ADGRL2: variants seen among roughly 807,000 people sequenced by gnomAD.
ADGRL2 encodes adhesion G protein-coupled receptor L2.
In ADGRL2, 44 loss-of-function variants were observed where a neutral mutation model predicts 157.4. The ratio of observed to expected loss-of-function variants is 0.28; its 90% CI spans 0.22 to 0.36. The LOEUF (loss-of-function observed/expected upper bound fraction) is 0.36. Ranked by LOEUF, ADGRL2 falls within the 10% of genes least tolerant of loss-of-function variation. The pLI, the probability that ADGRL2 is intolerant of heterozygous loss-of-function variation, is 1.00. For synonymous variants in ADGRL2, 585 were observed against 624.7 expected (o/e 0.94, Z 0.95); for missense variants, 1,510 against 1,768.9 (o/e 0.85, Z 2.63).
chr1:81,618,677 A>T (rs961969272), intron 3 of ADGRL2, among the ~76,000 whole-genome samples: 5 of 152,202 alleles, frequency 3.3e-5, no homozygotes, highest in Admixed American at 6.5e-5. Flanking sequence ...CAATTGTTGG[A>T]TATAGTTATG....
chr1:81,539,504 G>T (rs144222722), intron 2 of ADGRL2, among the ~76,000 whole-genome samples: 1 of 152,044 alleles, frequency 6.6e-6, no homozygotes, highest in African/African-American at 2.4e-5. Context: ...GCCCCCGATC[G>T]CCTGATGCTG....
At chr1:81,742,021 G>C (rs1253519831) in intron 1 of ADGRL2, among the ~76,000 whole-genome samples, 8 of 151,820 alleles carry the variant, frequency 5.3e-5, no homozygotes, top group Admixed American at 5.3e-4. Context: ...AAGTTTTCCT[G>C]CCCTAGGTTT....
intron 3 of ADGRL2, among the ~76,000 whole-genome samples, chr1:81,672,801 C>T (rs2082902735): frequency 6.6e-6 from 1 of 152,092 alleles, no homozygotes; most frequent in Admixed American, 6.6e-5. Context: ...AAATATTATA[C>T]TGAGTATTGA....
intron 3 of ADGRL2, among the ~76,000 whole-genome samples, chr1:81,605,584 C>T (rs979491099): frequency 3.9e-5 from 6 of 152,118 alleles, no homozygotes; most frequent in African/African-American, 9.7e-5. Flanking sequence ...GAGTGTGTAC[C>T]TCAAGTAGAC....
At chr1:81,839,506 A>G (rs2092448073) in intron 2 of ADGRL2, among the ~76,000 whole-genome samples, 1 of 151,824 alleles carries the variant, frequency 6.6e-6, no homozygotes, top group African/African-American at 2.4e-5. Context: ...TGCACCATAT[A>G]TGTTGTCTTT....
At chr1:81,798,898 T>G (rs1439259391), upstream of ADGRL2, among the ~76,000 whole-genome samples, 1 of 143,050 alleles carries the variant, frequency 7.0e-6, no homozygotes, top group Admixed American at 7.2e-5. Context: ...GACTGATGCA[T>G]GCACTCATTG....
At chr1:81,570,283 G>A (rs890095100) in intron 2 of ADGRL2, among the ~76,000 whole-genome samples, 3 of 152,078 alleles carry the variant, frequency 2.0e-5, no homozygotes, top group Non-Finnish European at 4.4e-5. Context: ...TGGTTTTTTT[G>A]TCTGTACTTA....
At chr1:81,679,101 C>T (rs1570810316) in intron 3 of ADGRL2, among the ~76,000 whole-genome samples, 1 of 152,078 alleles carries the variant, frequency 6.6e-6, no homozygotes, top group Admixed American at 6.6e-5. Context: ...AGGTGGACCT[C>T]GAAATTGTTT....
chr1:81,900,073 A>T (rs544180636), intron 2 of ADGRL2, among the ~76,000 whole-genome samples: 3 of 152,104 alleles, frequency 2.0e-5, no homozygotes, highest in Non-Finnish European at 4.4e-5. Flanking sequence ...AGAAAACTTA[A>T]TCTTTCTCTG....
Position 81,907,186 on chromosome 1 carries a change from T to A in ADGRL2, c.243T>A (p.Asn81Lys). ...ICDADPFQME[N>K]TDCYLPDAFK... ...ATGCTGACCCATTTCAGATGGAGAA[T>A]ACAGACTGCTACCTCCCCGATGCCT... The change falls in exon 3 of 24, where the codon AAT (asparagine) becomes AAA (lysine). Residue 81 changes from asparagine to lysine, a missense_variant. Coordinates refer to ENST00000686636, the MANE Select transcript of ADGRL2 (RefSeq NM_001366006.2). The A allele has an allele frequency of 6.2e-7, 1 of 1,614,096 alleles. No homozygotes were observed. The highest frequency in any genetic ancestry group is 8.5e-7 in the Non-Finnish European group (1 of 1,179,998).
intron 2 of ADGRL2, among the ~76,000 whole-genome samples, chr1:81,464,211 A>C (rs897301146): frequency 6.6e-6 from 1 of 152,042 alleles, no homozygotes; most frequent in African/African-American, 2.4e-5. Flanking sequence ...ATACAGCCCC[A>C]AAGAAATCAT....
At chr1:81,955,183 T>C (rs753241758) in intron 10 of ADGRL2, among the ~76,000 whole-genome samples, 1 of 152,354 alleles carries the variant, frequency 6.6e-6, no homozygotes, top group South Asian at 2.1e-4. Flanking sequence ...CTCTAACTTA[T>C]CAGTAGAGGC....
Position 81,509,095 on chromosome 1 carries a change from C to A in ADGRL2, c.-248+64006C>A, listed in dbSNP as rs143708054. Among the ~76,000 whole-genome samples, 1,516 of 152,256 alleles carry A rather than the reference C, an allele frequency of 1.0e-2. 14 individuals carry two copies. Among genetic ancestry groups the A allele is most frequent in the African/African-American group, 0.023 (962 of 41,544 alleles). ...CTTCCTTTCAACCACTGCCACATTC[C>A]TTGTGCATCAATTCCCTGCTTTTCA... is the stretch of plus-strand genomic sequence containing the variant. On this transcript the variant is annotated intron_variant, in intron 2 of 24. Transcript: ENST00000370721.
At chr1:81,576,257 C>T (rs2080796013) in intron 2 of ADGRL2, among the ~76,000 whole-genome samples, 1 of 152,038 alleles carries the variant, frequency 6.6e-6, no homozygotes, top group Non-Finnish European at 1.5e-5. Context: ...TAAAATGTTG[C>T]TCTTTTTCAC....
chr1:81,747,580 G>C (rs2085341455), intron 1 of ADGRL2, among the ~76,000 whole-genome samples: 3 of 152,016 alleles, frequency 2.0e-5, no homozygotes, highest in Admixed American at 2.0e-4. Context: ...AGGATTACAG[G>C]TGTGAGCCAC....
rs143125956 is a variant in ADGRL2, at chr1:81,819,100, T to C, written c.-100-17785T>C. On this transcript the variant is annotated intron_variant, in intron 1 of 23. Transcript: ENST00000686636. Reference sequence around the variant, plus strand: ...TTCAATTGAGAACATGTTATACTTATTTGATAGCATTCAAGGTGGTGTATC... The same window carrying C: ...TTCAATTGAGAACATGTTATACTTACTTGATAGCATTCAAGGTGGTGTATC... 6.2e-3 allele frequency among the ~76,000 whole-genome samples: 949 copies of C among 152,284 alleles called. 11 individuals are homozygous for C. The highest frequency in any genetic ancestry group is 0.021 in the African/African-American group (877 of 41,570).
At chr1:81,408,077 G>A (rs1385341682) in intron 1 of ADGRL2, among the ~76,000 whole-genome samples, 1 of 152,148 alleles carries the variant, frequency 6.6e-6, no homozygotes, top group African/African-American at 2.4e-5. Flanking sequence ...TCTTTAATCA[G>A]GAGTTCAGAT....
At chr1:81,422,744 C>A (rs1213242976) in intron 1 of ADGRL2, among the ~76,000 whole-genome samples, 2 of 152,090 alleles carry the variant, frequency 1.3e-5, no homozygotes, top group Non-Finnish European at 2.9e-5. Flanking sequence ...CATCAATATA[C>A]TGAAAATAAT....
intron 2 of ADGRL2, among the ~76,000 whole-genome samples, chr1:81,528,059 T>C (rs932277361): frequency 1.3e-5 from 2 of 152,138 alleles, no homozygotes; most frequent in African/African-American, 4.8e-5. Context: ...AGAGCGAGAC[T>C]CCGTCTCAAA....
Sources: allele counts gnomAD v4.1 joint callset (sites outside exome capture counted in the v4.1 genomes callset), GRCh38; gene constraint gnomAD v4.1.1; transcripts MANE v1.5; gene names NCBI Gene and HGNC (gene_info 2026-07-23, HGNC 2026-07-21).